Variants in MAPK8IP2 observed in about 807,000 individuals in gnomAD.
MAPK8IP2 encodes mitogen-activated protein kinase 8 interacting protein 2.
In MAPK8IP2, 15 loss-of-function variants were observed where a neutral mutation model predicts 75.6. The observed-to-expected ratio is 0.20, with a 90% CI of 0.13 to 0.31. MAPK8IP2 has a LOEUF of 0.31. Among genes scored for constraint, MAPK8IP2 ranks in the 10% least tolerant of loss-of-function variants. MAPK8IP2 has a pLI of 1.00. For missense variants in MAPK8IP2, 1,089 were observed against 1,211.2 expected (o/e 0.90, Z 1.50); for synonymous variants, 632 against 554.5 (o/e 1.14, Z -1.96).
intron 2 of MAPK8IP2, 73 bp downstream of exon 2, chr22:50,601,967 G>C: frequency 4.0e-6 from 5 of 1,264,648 alleles, no homozygotes; most frequent in Non-Finnish European, 4.6e-6. Flanking sequence ...CGTTCACTTG[G>C]GGTTTTAGGG....
In MAPK8IP2 at chr22:50,603,334, G is replaced by A. The variant is rs758023618; in HGVS notation, c.283G>A (p.Glu95Lys). The change falls in exon 3 of 12, where the codon GAG becomes AAG. Residue 95 changes from glutamate to lysine, a missense_variant. Physicochemically the swap from Glu to Lys is moderately conservative, Grantham distance 56 (BLOSUM62 1). This residue lies in a region of MAPK8IP2 where 960 missense variants were observed against 1,009.6 expected (regional missense o/e 0.95). Coordinates refer to ENST00000329492, the MANE Select transcript of MAPK8IP2 (RefSeq NM_012324.6). ...DDNEEEDDED[E>K]EEEEEEEEGD... is the part of the protein sequence containing the mutation. ...CAATGAAGAGGAGGACGATGAGGACGAGGAAGAGGAGGAGGAGGAGGAGGA... is the reference window on the plus strand; with the variant it reads ...CAATGAAGAGGAGGACGATGAGGACAAGGAAGAGGAGGAGGAGGAGGAGGA... 3 of 1,557,226 alleles carry A rather than the reference G, an allele frequency of 1.9e-6. No individual in the cohort carries two copies. Among genetic ancestry groups the A allele is most frequent in the Non-Finnish European group, 2.6e-6 (3 of 1,153,658 alleles).
chr22:50,603,830 C>T lies in MAPK8IP2; in HGVS notation c.542-11C>T. 2 of 1,524,952 alleles carry T rather than the reference C, an allele frequency of 1.3e-6. No homozygotes were observed. The highest frequency in any genetic ancestry group is 1.8e-6 in the Non-Finnish European group (2 of 1,134,912). The allele number at this position is 1,524,952 out of a possible 1,614,324, so 94.5% of individuals were successfully genotyped here. A position where few individuals can be genotyped will look rare whatever the true frequency, so the allele number is the denominator to read the frequency against. Reference sequence around the variant, plus strand: ...GTGCAGAGAGGGTGACCCCACCTCCCTGCCCAGCAGAGCTCCCGGGCCCCC... The same window carrying T: ...GTGCAGAGAGGGTGACCCCACCTCCTTGCCCAGCAGAGCTCCCGGGCCCCC... On this transcript the variant is annotated splice_polypyrimidine_tract_variant and intron_variant, in intron 4 of 11. Transcript: ENST00000329492.
intron 5 of MAPK8IP2, 147 bp from the exon 6 acceptor site, chr22:50,605,221 C>T (rs544751620): frequency 4.6e-6 from 5 of 1,079,058 alleles, no homozygotes; most frequent in Admixed American, 2.1e-5. Context: ...CATGAGGTGG[C>T]CTGCTCTGCC....
At position 50,603,858 on chromosome 22, in the gene MAPK8IP2, C is replaced by A. The variant is rs2070985595; in HGVS notation, c.559C>A (p.Pro187Thr). ...CCCAGCAGAGCTCCCGGGCCCCCTC[C>A]CTGCCACGGACACCGGGCCCGGCGG... ...EALRELPGPL[P>T]ATDTGPGGAQ... is the part of the protein sequence containing the mutation. The change falls in exon 5 of 12, where the codon CCT becomes ACT. Residue 187 changes from proline (P) to threonine (T), a missense_variant. Around this residue, in one of 2 missense-constraint regions of MAPK8IP2, gnomAD observed 960 missense variants for 1,009.6 expected, o/e 0.95. Coordinates refer to ENST00000329492, the MANE Select transcript of MAPK8IP2 (RefSeq NM_012324.6). 3 of 1,532,222 alleles carry A rather than the reference C, an allele frequency of 2.0e-6. No individual in the cohort carries two copies. The East Asian group carries it at 7.4e-5, about 38-fold the overall frequency. The allele number at this position is 1,532,222 out of a possible 1,614,324, so 94.9% of individuals were successfully genotyped here. A position where few individuals can be genotyped will look rare whatever the true frequency, so the allele number is the denominator to read the frequency against.
chr22:50,606,686 A>G lies in MAPK8IP2; in HGVS notation c.2153A>G (p.His718Arg). 1 of 1,598,006 alleles carries G rather than the reference A, an allele frequency of 6.3e-7. No homozygotes were observed. The highest frequency in any genetic ancestry group is 1.1e-5 in the South Asian group (1 of 88,278). ...KIATARKLTV[H>R]LRPPASCDLE... ...GCCACTGCCCGGAAACTGACCGTCC[A>G]CCTGCGCCCTCCTGCCTCCTGTGAC... The change falls in exon 9 of 12, where the codon CAC becomes CGC. Residue 718 changes from histidine to arginine, a missense_variant. By Grantham distance (29) the His-to-Arg change is conservative. Coordinates refer to ENST00000329492, the MANE Select transcript of MAPK8IP2 (RefSeq NM_012324.6).
rs1224945691 is a variant in MAPK8IP2, at chr22:50,607,708, G to A, written c.2303+717G>A. The stretch of plus-strand genomic sequence containing the variant: ...ATGGTTGTACTGCAGCCCACACACC[G>A]AGAGGGGATGCGGGATCAATCACAA... On this transcript the variant is annotated intron_variant, in intron 10 of 11. Transcript: ENST00000329492. The surrounding 1 kb of genome is among the most constrained non-coding windows in gnomAD (Gnocchi z 5.6). Among the ~76,000 whole-genome samples, 3 of 152,050 alleles carry A rather than the reference G, an allele frequency of 2.0e-5. No homozygotes were observed. The highest frequency in any genetic ancestry group is 6.5e-5 in the Admixed American group (1 of 15,276).
At chr22:50,606,619 GCTC>G in intron 8 of MAPK8IP2, 36 bp from the exon 9 acceptor site, 1 of 1,423,428 alleles carries the variant, frequency 7.0e-7, no homozygotes, top group Admixed American at 1.9e-5. Flanking sequence ...GCCCTTGTGG[GCTC>G]CTCAAGACCC....
chr22:50,600,922 T>A, intron 1 of MAPK8IP2, 39 bp downstream of exon 1: 2 of 1,008,780 alleles, frequency 2.0e-6, no homozygotes, highest in Non-Finnish European at 2.5e-6. Flanking sequence ...GACCCTCCGC[T>A]CCCTGCGCAC....
chr22:50,603,594 C>T (rs1437516027), intron 3 of MAPK8IP2, 32 bp from the exon 4 acceptor site: 1 of 1,585,316 alleles, frequency 6.3e-7, no homozygotes. Context: ...GCTGGCCCTC[C>T]TCAGGACCGC....
Position 50,604,601 on chromosome 22 carries a change from C to T in MAPK8IP2, c.1302C>T (p.Pro434=), listed in dbSNP as rs1327296084. 5 of 1,478,848 alleles carry T rather than the reference C, an allele frequency of 3.4e-6. No individual in the cohort carries two copies. The highest frequency in any genetic ancestry group is 1.8e-6 in the Non-Finnish European group (2 of 1,123,742). 91.6% of individuals were successfully genotyped at this position (1,478,848 alleles called of 1,614,324 possible). The change falls in exon 5 of 12, where the codon CCC becomes CCT. Residue 434 remains proline (P), a synonymous_variant. Transcript: ENST00000329492. ...APRPGPAQPG[P]CLFLSNPTRD... is the part of the protein sequence containing the mutation. ...GACCCGGCCCCGCGCAGCCCGGGCCCTGCCTATTCCTCAGCAACCCCACGC... is the reference window on the plus strand; with the variant it reads ...GACCCGGCCCCGCGCAGCCCGGGCCTTGCCTATTCCTCAGCAACCCCACGC...
chr22:50,601,508 G>T (rs2070937159), intron 1 of MAPK8IP2: 3 of 403,692 alleles, frequency 7.4e-6, no homozygotes, highest in Admixed American at 7.0e-5. Flanking sequence ...GCCTGGAGCT[G>T]CGAGTGGAGG....
rs2070978418 is a variant in MAPK8IP2, at chr22:50,603,550, C to T, written c.447+52C>T. 7 of 1,578,058 alleles carry T rather than the reference C, an allele frequency of 4.4e-6. No individual in the cohort carries two copies. The South Asian group carries it at 6.9e-5, about 16-fold the overall frequency. Reference sequence around the variant, plus strand: ...GGAGCTGAGCCTGGGTTCATAGCACCTGGGCTGCAGCCAGCCCTGCTCACC... The same window carrying T: ...GGAGCTGAGCCTGGGTTCATAGCACTTGGGCTGCAGCCAGCCCTGCTCACC... On this transcript the variant is annotated intron_variant, in intron 3 of 11. Coordinates refer to ENST00000329492, the MANE Select transcript of MAPK8IP2 (RefSeq NM_012324.6).
rs369501245 is a variant in MAPK8IP2 at position 50,609,939 on chromosome 22, G to A, written c.2304-273G>A. 1.2e-4 allele frequency: 74 copies of A among 635,726 alleles called. No homozygotes were observed. The Middle Eastern group carries it at 1.8e-3, about 16-fold the overall frequency. The allele number at this position is 635,726 out of a possible 1,614,324, so 39.4% of individuals were successfully genotyped here. A position where few individuals can be genotyped will look rare whatever the true frequency, so the allele number is the denominator to read the frequency against. ...GCAGGCCCTGAATAGGGCCACAGAG[G>A]GTAGCAGCACCGGCTCAGAGAAGGG... On this transcript the variant is annotated intron_variant, in intron 10 of 11. Coordinates refer to ENST00000329492, the MANE Select transcript of MAPK8IP2 (RefSeq NM_012324.6).
chr22:50,605,158 CTG>C, intron 5 of MAPK8IP2, 94 bp downstream of exon 5: 3 of 1,442,038 alleles, frequency 2.1e-6, no homozygotes, highest in African/African-American at 2.8e-5. Context: ...CCAGGGCCAC[CTG>C]AGGGTCTGGC....
In MAPK8IP2 at chr22:50,603,476, G is replaced by T; in HGVS notation, c.425G>T (p.Arg142Leu). Residue 142 changes from arginine (R) to leucine (L), a missense_variant, in exon 3 of 12, where the codon CGT becomes CTT. Transcript: ENST00000329492. ...CACAAGCACCGGCCCACCACCCTCCGTCTGACCACACTGGGGGCCCAGGTG... is the reference window on the plus strand; with the variant it reads ...CACAAGCACCGGCCCACCACCCTCCTTCTGACCACACTGGGGGCCCAGGTG... ...EPHKHRPTTLRLTTLGAQDSL... is the reference protein window; with the variant it reads ...EPHKHRPTTLLLTTLGAQDSL... The T allele has an allele frequency of 6.4e-7, 1 of 1,564,220 alleles. No individual in the cohort carries two copies. The highest frequency in any genetic ancestry group is 8.7e-7 in the Non-Finnish European group (1 of 1,151,826).
At position 50,604,120 on chromosome 22, in the gene MAPK8IP2, C is replaced by G. The variant is rs776493984; in HGVS notation, c.821C>G (p.Thr274Arg). The change falls in exon 5 of 12, where the codon ACG becomes AGG. Residue 274 changes from threonine (T) to arginine (R), a missense_variant. Physicochemically the swap from Thr to Arg is moderately conservative, Grantham distance 71 (BLOSUM62 -1). This residue lies in a region of MAPK8IP2 where 960 missense variants were observed against 1,009.6 expected (regional missense o/e 0.95). Transcript: ENST00000329492. ...LGRMISSISETELELSSDGGS... is the reference protein window; with the variant it reads ...LGRMISSISERELELSSDGGS... ...CGCATGATCTCGTCCATCTCGGAGACGGAGCTGGAGCTGAGCAGCGATGGC... is the reference window on the plus strand; with the variant it reads ...CGCATGATCTCGTCCATCTCGGAGAGGGAGCTGGAGCTGAGCAGCGATGGC... 2 of 1,554,344 alleles carry G rather than the reference C, an allele frequency of 1.3e-6. No homozygotes were observed. Among genetic ancestry groups the G allele is most frequent in the Non-Finnish European group, 1.7e-6 (2 of 1,159,026 alleles).
In MAPK8IP2 at chr22:50,608,178, G is replaced by A. The variant is rs557254561; in HGVS notation, c.2303+1187G>A. 1.7e-3 allele frequency among the ~76,000 whole-genome samples: 231 copies of A among 135,660 alleles called. 1 individual carries two copies. Among genetic ancestry groups the A allele is most frequent in the African/African-American group, 6.7e-3 (224 of 33,264 alleles). The allele number at this position is 135,660 out of a possible 152,430, so 89.0% of individuals were successfully genotyped here. A position where few individuals can be genotyped will look rare whatever the true frequency, so the allele number is the denominator to read the frequency against. The stretch of plus-strand genomic sequence containing the variant: ...GAGGGTGCTGCCTGCTGGAAGGTGC[G>A]GAGCCCTTTTGTGTTGTCCCCGCCG... On this transcript the variant is annotated intron_variant, in intron 10 of 11. Coordinates refer to ENST00000329492, the MANE Select transcript of MAPK8IP2 (RefSeq NM_012324.6).
chr22:50,604,877 G>T lies in MAPK8IP2; in HGVS notation c.1578G>T (p.Leu526=). The part of the protein sequence containing the change: ...DEHTQLELVS[L]RRCAGLGHDS... ...ACACGCAGCTGGAGCTGGTGAGCCT[G>T]CGGCGCTGTGCTGGGCTGGGCCACG... The change falls in exon 5 of 12, where the codon CTG becomes CTT. Residue 526 remains leucine (L), a synonymous_variant. Transcript: ENST00000329492. The T allele has an allele frequency of 6.2e-7, 1 of 1,605,862 alleles. No homozygotes were observed. Among genetic ancestry groups the T allele is most frequent in the South Asian group, 1.1e-5 (1 of 90,464 alleles).
In MAPK8IP2 at chr22:50,600,888, C is replaced by T. The variant is rs75209192; in HGVS notation, c.65+5C>T. The stretch of plus-strand genomic sequence containing the variant: ...GCTGTCGCCGCCGGGCTGCAGGTAC[C>T]CCCCTCGGCGCCCGGGCCGGGCGGA... On this transcript the variant is annotated splice_donor_5th_base_variant and intron_variant, in intron 1 of 11. Coordinates refer to ENST00000329492, the MANE Select transcript of MAPK8IP2 (RefSeq NM_012324.6). The T allele has an allele frequency of 0.049, 61,840 of 1,253,196 alleles. 2,363 individuals carry two copies. The highest frequency in any genetic ancestry group is 0.26 in the East Asian group (4,272 of 16,404). 77.6% of individuals were successfully genotyped at this position (1,253,196 alleles called of 1,614,324 possible). A position where few individuals can be genotyped will look rare whatever the true frequency, so the allele number is the denominator to read the frequency against.
Sources: gnomAD v4.1 joint callset for allele counts (sites outside exome capture counted in the v4.1 genomes callset) on GRCh38, gnomAD v4.1.1 for gene constraint, gnomAD v4.1.1 regional missense constraint, Gnocchi (gnomAD v3.1) non-coding constraint, MANE v1.5 for transcripts, NCBI Gene and HGNC (gene_info 2026-07-23, HGNC 2026-07-21) for gene names.